Variants in CLIC5 observed in about 807,000 individuals in gnomAD.
CLIC5 encodes chloride intracellular channel protein 5.
A neutral mutation model predicts 24.7 loss-of-function variants in CLIC5; 20 were observed. The ratio of observed to expected loss-of-function variants is 0.81; its 90% confidence interval spans 0.57 to 1.18. The LOEUF (loss-of-function observed/expected upper bound fraction) is 1.18. CLIC5 is among the 50% of genes most tolerant of loss of function. The pLI is 0.00. For synonymous variants in CLIC5, 159 were observed against 135.6 expected, an observed-to-expected ratio of 1.17 and a Z score of -1.20; for missense variants, 341 against 326.1, an observed-to-expected ratio of 1.05 and a Z score of -0.35.
the CLIC5 span, among the ~76,000 whole-genome samples, chr6:46,115,898 C>T: frequency 1.3e-5 from 2 of 152,212 alleles, no homozygotes; most frequent in African/African-American, 4.8e-5. Flanking sequence ...GAACCGGTAT[C>T]TTCAGGGATG....
rs959424828 is a variant in CLIC5, at chr6:45,901,909, C to T, written c.*1179G>A. 2.0e-5 allele frequency: 3 copies of T among 152,632 alleles called. No individual in the cohort carries two copies. The highest frequency in any genetic ancestry group is 2.0e-4 in the Admixed American group (3 of 15,294). 9.5% of individuals were successfully genotyped at this position (152,632 alleles called of 1,614,324 possible). ...CTTCCTAAGGTGTTCTATGATCAGACCACCTCCTAAATGTGGCTTTTACCC... is the reference window on the plus strand; with the variant it reads ...CTTCCTAAGGTGTTCTATGATCAGATCACCTCCTAAATGTGGCTTTTACCC... On this transcript the variant is annotated 3_prime_UTR_variant, in exon 6 of 6. Transcript: ENST00000339561.
chr6:45,931,331 C>T (rs1273461814), intron 4 of CLIC5, among the ~76,000 whole-genome samples: 2 of 152,180 alleles, frequency 1.3e-5, no homozygotes, highest in East Asian at 1.9e-4. Flanking sequence ...AACAGAGTTG[C>T]TATTTACTGG....
chr6:46,126,152 G>C, the CLIC5 span, among the ~76,000 whole-genome samples: 2 of 152,134 alleles, frequency 1.3e-5, no homozygotes, highest in Admixed American at 6.5e-5. Context: ...CCGTGGATGA[G>C]GGGAATTAAC....
At chr6:45,953,570 G>A (rs1431469685) in intron 2 of CLIC5, among the ~76,000 whole-genome samples, 3 of 152,172 alleles carry the variant, frequency 2.0e-5, no homozygotes, top group Non-Finnish European at 4.4e-5. Context: ...AGAGTAGACA[G>A]GTCACGGTGA....
chr6:45,888,268 T>C (rs1055050264), intron 6 of CLIC5, among the ~76,000 whole-genome samples: 4 of 152,208 alleles, frequency 2.6e-5, no homozygotes, highest in African/African-American at 9.6e-5. Flanking sequence ...TCCATAGCCA[T>C]AGGTCATCTT....
chr6:45,914,957 G>T (rs1581728067), intron 4 of CLIC5, among the ~76,000 whole-genome samples: 1 of 151,892 alleles, frequency 6.6e-6, no homozygotes, highest in South Asian at 2.1e-4. Flanking sequence ...TTGAGACAGA[G>T]TCTCACTCTG....
chr6:46,076,469 G>A (rs1256036556), intron 1 of CLIC5, among the ~76,000 whole-genome samples: 1 of 152,148 alleles, frequency 6.6e-6, no homozygotes, highest in Non-Finnish European at 1.5e-5. Context: ...AAGGAGAGTC[G>A]GAAGAAGGCA....
chr6:45,958,891 C>T (rs529712430), intron 1 of CLIC5, among the ~76,000 whole-genome samples: 1 of 152,188 alleles, frequency 6.6e-6, no homozygotes, highest in South Asian at 2.1e-4. Flanking sequence ...ATGTCCCTCC[C>T]TTTTTGTGGC....
At chr6:45,888,626 G>A (rs1762324808) in intron 6 of CLIC5, among the ~76,000 whole-genome samples, 1 of 152,094 alleles carries the variant, frequency 6.6e-6, no homozygotes, top group African/African-American at 2.4e-5. Flanking sequence ...AACATATTTT[G>A]ATACATATTA....
chr6:46,067,942 C>A (rs1376043671), intron 1 of CLIC5, among the ~76,000 whole-genome samples: 1 of 151,976 alleles, frequency 6.6e-6, no homozygotes, highest in Admixed American at 6.6e-5. Context: ...GAAAATATGA[C>A]CTTATTTGGA....
intron 4 of CLIC5, among the ~76,000 whole-genome samples, chr6:45,930,423 A>G (rs1763688806): frequency 6.6e-6 from 1 of 152,150 alleles, no homozygotes; most frequent in South Asian, 2.1e-4. Context: ...CCTGGTGGAC[A>G]TGCCCTTCCC....
At chr6:45,915,995 C>T (rs1450337494) in intron 4 of CLIC5, among the ~76,000 whole-genome samples, 1 of 152,182 alleles carries the variant, frequency 6.6e-6, no homozygotes, top group Non-Finnish European at 1.5e-5. Flanking sequence ...GCGGACACTG[C>T]CTTCTGGAGG....
chr6:46,043,089 T>C (rs1767854203), intron 1 of CLIC5, among the ~76,000 whole-genome samples: 1 of 152,176 alleles, frequency 6.6e-6, no homozygotes, highest in Non-Finnish European at 1.5e-5. Context: ...AGCCCACCCA[T>C]AAATCACTCC....
the CLIC5 span, among the ~76,000 whole-genome samples, chr6:46,109,687 G>T: frequency 6.6e-6 from 1 of 152,074 alleles, no homozygotes. Context: ...TAGTTTTCCA[G>T]AGTCAAGAAA....
the CLIC5 span, among the ~76,000 whole-genome samples, chr6:46,092,085 T>C: frequency 6.6e-6 from 1 of 152,182 alleles, no homozygotes; most frequent in South Asian, 2.1e-4. Flanking sequence ...TCTTAGGAGC[T>C]TGTGAAGAAC....
intron 1 of CLIC5, among the ~76,000 whole-genome samples, chr6:45,984,237 G>A (rs1765658204): frequency 6.6e-6 from 1 of 152,236 alleles, no homozygotes; most frequent in Non-Finnish European, 1.5e-5. Flanking sequence ...GGTTCCTTGT[G>A]CTCAAGATGA....
intron 6 of CLIC5, among the ~76,000 whole-genome samples, chr6:45,887,814 A>T (rs968498531): frequency 6.6e-6 from 1 of 152,240 alleles, no homozygotes; most frequent in Admixed American, 6.5e-5. Flanking sequence ...TCATAACGCA[A>T]CTATAGAAGA....
At chr6:45,999,558 G>A (rs1227870620) in intron 1 of CLIC5, among the ~76,000 whole-genome samples, 4 of 151,938 alleles carry the variant, frequency 2.6e-5, no homozygotes, top group Non-Finnish European at 4.4e-5. Context: ...ACTTATACAT[G>A]GATAAGTATA....
intron 1 of CLIC5, among the ~76,000 whole-genome samples, chr6:45,983,020 T>C (rs530061969): frequency 9.2e-5 from 14 of 152,306 alleles, no homozygotes; most frequent in African/African-American, 2.9e-4. Context: ...CCTACTTTTA[T>C]GAGCTGCACA....
Sources: gnomAD v4.1 joint callset for allele counts (sites outside exome capture counted in the v4.1 genomes callset) on GRCh38, gnomAD v4.1.1 for gene constraint, MANE v1.5 for transcripts, NCBI Gene and HGNC (gene_info 2026-07-23, HGNC 2026-07-21) for gene names.